The following PVT1 variants were observed in gnomAD, a reference collection of about 807,000 sequenced individuals.
The protein encoded by PVT1 is Pvt1 oncogene, also known as CXCR4/PVT1 fusion.
chr8:128,026,106 C>A (rs1345170344), intron 4 of PVT1, among the ~76,000 whole-genome samples: 1 of 152,104 alleles, frequency 6.6e-6, no homozygotes, highest in Non-Finnish European at 1.5e-5. Flanking sequence ...CCACACCCAG[C>A]TAATTTTTGC....
intron 2 of PVT1, among the ~76,000 whole-genome samples, chr8:127,807,217 G>A (rs966466631): frequency 6.6e-6 from 1 of 152,220 alleles, no homozygotes; most frequent in South Asian, 2.1e-4. Context: ...TAAAAAATGG[G>A]CTGGAAAGAT....
At chr8:128,025,771 C>A (rs1817486036) in intron 4 of PVT1, among the ~76,000 whole-genome samples, 1 of 152,306 alleles carries the variant, frequency 6.6e-6, no homozygotes, top group Non-Finnish European at 1.5e-5. Context: ...AGCATTTTCA[C>A]ATACATTAGC....
chr8:127,860,894 G>T (rs538069896), intron 2 of PVT1, among the ~76,000 whole-genome samples: 2 of 152,198 alleles, frequency 1.3e-5, no homozygotes, highest in South Asian at 2.1e-4. Flanking sequence ...AGGGCAAGGG[G>T]CTCCTTGAAG....
chr8:127,988,046 G>C (rs1563658571), intron 3 of PVT1, among the ~76,000 whole-genome samples: 1 of 152,220 alleles, frequency 6.6e-6, no homozygotes, highest in Non-Finnish European at 1.5e-5. Context: ...CTGCAGATCT[G>C]TCCGTGATAC....
chr8:127,840,897 G>T (rs1814966125), intron 2 of PVT1, among the ~76,000 whole-genome samples: 1 of 152,226 alleles, frequency 6.6e-6, no homozygotes. Context: ...ACTTGAGTGG[G>T]ATGGCGAATG....
At chr8:127,878,848 G>C (rs558923071) in intron 2 of PVT1, among the ~76,000 whole-genome samples, 1 of 152,332 alleles carries the variant, frequency 6.6e-6, no homozygotes, top group East Asian at 1.9e-4. Context: ...CACCTGCAAG[G>C]GGGTGGGGAG....
chr8:128,098,107 C>T (rs1814451405), intron 6 of PVT1, among the ~76,000 whole-genome samples: 1 of 152,178 alleles, frequency 6.6e-6, no homozygotes, highest in African/African-American at 2.4e-5. Flanking sequence ...CCTGTGTCCC[C>T]TCTACTCTCT....
chr8:127,829,074 G>A (rs1163729503), intron 2 of PVT1, among the ~76,000 whole-genome samples: 2 of 152,248 alleles, frequency 1.3e-5, no homozygotes, highest in East Asian at 3.9e-4. Context: ...TCAGGAGTTC[G>A]AGACCAGCCT....
In PVT1 at chr8:127,879,396, G is replaced by T. The variant is rs541873818; in HGVS notation, n.373-11193G>T. 1.3e-4 allele frequency among the ~76,000 whole-genome samples: 20 copies of T among 152,334 alleles called. No homozygotes were observed. In the South Asian group the frequency reaches 4.2e-3, roughly 32 times the overall value. On this transcript the variant is annotated intron_variant and non_coding_transcript_variant, in intron 2 of 10. Transcript: ENST00000651587. ...ATACAAAAATTAGCCGGGCGTGGTGGCAGGTGCCTGTAATCCTAGCTACTT... is the reference window on the plus strand; with the variant it reads ...ATACAAAAATTAGCCGGGCGTGGTGTCAGGTGCCTGTAATCCTAGCTACTT...
At chr8:128,084,305 A>G (rs1777946160) in intron 5 of PVT1, among the ~76,000 whole-genome samples, 1 of 152,140 alleles carries the variant, frequency 6.6e-6, no homozygotes, top group African/African-American at 2.4e-5. Flanking sequence ...TGTGGGCCAG[A>G]CATATCTGAG....
intron 4 of PVT1, among the ~76,000 whole-genome samples, chr8:128,049,654 T>A (rs906892302): frequency 1.3e-5 from 2 of 152,046 alleles, no homozygotes; most frequent in African/African-American, 4.8e-5. Context: ...CTGGTATCAG[T>A]TTGGAAGGCA....
chr8:128,030,518 G>A (rs561849548), intron 4 of PVT1, among the ~76,000 whole-genome samples: 40 of 152,310 alleles, frequency 2.6e-4, no homozygotes, highest in African/African-American at 9.1e-4. Context: ...TTGAGGAGCT[G>A]GAAGTGCTGA....
At chr8:127,826,706 G>A (rs942209045) in intron 2 of PVT1, among the ~76,000 whole-genome samples, 3 of 152,288 alleles carry the variant, frequency 2.0e-5, no homozygotes, top group Non-Finnish European at 2.9e-5. Context: ...GAGGCCACCC[G>A]GGAGCTTTCT....
In PVT1 at chr8:127,958,078, G is replaced by A. The variant is rs576255504; in HGVS notation, n.783-31084G>A. Among the ~76,000 whole-genome samples the A allele has an allele frequency of 4.4e-4, 67 of 152,318 alleles. No homozygotes were observed. The South Asian group carries it at 0.013, about 30-fold the overall frequency. On this transcript the variant is annotated intron_variant and non_coding_transcript_variant, in intron 3 of 10. Transcript: ENST00000651587. ...GTGAGGTGAAGGGAACACGGGCGTGGCATCAAACAGGATGGACAGAGTGGT... is the reference window on the plus strand; with the variant it reads ...GTGAGGTGAAGGGAACACGGGCGTGACATCAAACAGGATGGACAGAGTGGT...
At chr8:127,862,288 A>G (rs1226478396) in intron 2 of PVT1, among the ~76,000 whole-genome samples, 2 of 151,938 alleles carry the variant, frequency 1.3e-5, no homozygotes, top group Admixed American at 1.3e-4. Flanking sequence ...GGTGCCTATA[A>G]TCCCAGCTAT....
chr8:127,852,718 C>T (rs901496672), intron 2 of PVT1, among the ~76,000 whole-genome samples: 1 of 152,160 alleles, frequency 6.6e-6, no homozygotes, highest in East Asian at 1.9e-4. Context: ...TGTTATTGGT[C>T]CTTTATTACT....
chr8:128,031,353 TA>T (rs1444794178), intron 4 of PVT1, among the ~76,000 whole-genome samples: 1 of 152,112 alleles, frequency 6.6e-6, no homozygotes, highest in Admixed American at 6.5e-5. Flanking sequence ...GCAGCACAAA[TA>T]AAGTGAAAGC....
intron 2 of PVT1, among the ~76,000 whole-genome samples, chr8:127,816,771 G>A (rs10481168): frequency 0.44 from 66,501 of 152,036 alleles, 14,961 homozygotes; most frequent in African/African-American, 0.53. Context: ...TGATCCACCC[G>A]CCTCGGCCTC....
chr8:128,091,866 G>T (rs1466825672), intron 5 of PVT1, among the ~76,000 whole-genome samples: 1 of 152,120 alleles, frequency 6.6e-6, no homozygotes, highest in Non-Finnish European at 1.5e-5. Flanking sequence ...GAAAACTCAG[G>T]GTATGTCTCC....
Sources: allele counts gnomAD v4.1 joint callset (sites outside exome capture counted in the v4.1 genomes callset), GRCh38; gene constraint gnomAD v4.1.1; transcripts MANE v1.5; gene names NCBI Gene and HGNC (gene_info 2026-07-23, HGNC 2026-07-21).